Variants in ACTL6B observed in about 807,000 individuals in gnomAD.
ACTL6B encodes actin-like protein 6B.
A neutral mutation model predicts 63.3 loss-of-function variants in ACTL6B; 48 were observed. The observed-to-expected ratio is 0.76, with a 90% confidence interval of 0.60 to 0.96. The LOEUF (loss-of-function observed/expected upper bound fraction) is 0.96, where lower values mean the gene tolerates loss of function less well. Ranked by LOEUF, ACTL6B falls within the 50% of genes least tolerant of loss-of-function variation. The probability of loss-of-function intolerance (pLI) is 0.00; values close to 1 mark genes in which losing one functional copy is unlikely to be tolerated. For synonymous variants in ACTL6B, 230 were observed against 223.8 expected, an observed-to-expected ratio of 1.03 and a Z score of -0.25; for missense variants, 350 against 572.2, an observed-to-expected ratio of 0.61 and a Z score of 3.96.
Position 100,646,296 on chromosome 7 carries a change from C to G in ACTL6B, c.1153G>C (p.Glu385Gln). 6.2e-7 allele frequency: 1 copy of G among 1,614,128 alleles called. No homozygotes were observed. Among genetic ancestry groups the G allele is most frequent in the Non-Finnish European group, 8.5e-7 (1 of 1,180,012 alleles). The change falls in exon 13 of 14, where the codon GAG (glutamate) becomes CAG (glutamine). Residue 385 changes from glutamate (E) to glutamine (Q), a missense_variant. Glu to Gln is a conservative substitution (Grantham distance 29, BLOSUM62 2). Around this residue, in one of 3 missense-constraint regions of ACTL6B, gnomAD observed 76 missense variants for 126.1 expected, o/e 0.60. Coordinates refer to ENST00000160382, the MANE Select transcript of ACTL6B (RefSeq NM_016188.5). The surrounding 1 kb of genome is among the most constrained non-coding windows in gnomAD (Gnocchi z 6.1). Reference protein sequence around the residue: ...LKLIASNSTMERKFSPWIGGS... With the variant: ...LKLIASNSTMQRKFSPWIGGS... ...CCGATCCAGGGGCTGAACTTGCGCT[C>G]CATGGTGCTGTTGCTGGCAATGAGT...
At position 100,647,235 on chromosome 7, in the gene ACTL6B, G is replaced by C. The variant is rs771906747; in HGVS notation, c.809C>G (p.Pro270Arg). The stretch of plus-strand genomic sequence containing the variant: ...GAGCCACACTCACTGTTCATCGTAG[G>C]GGGAGTCTGAGACCTGCAGCACGGA... ...QASVLQVSDSPYDEQVAAQMP... is the reference protein window; with the variant it reads ...QASVLQVSDSRYDEQVAAQMP... The change falls in exon 9 of 14, where the codon CCC (proline) becomes CGC (arginine). Residue 270 changes from proline (P) to arginine (R), a missense_variant. Physicochemically the swap from Pro to Arg is moderately radical, Grantham distance 103. Around this residue, in one of 3 missense-constraint regions of ACTL6B, gnomAD observed 250 missense variants for 364.7 expected, o/e 0.69. Transcript: ENST00000160382. This position sits in a 1 kb window ranked among gnomAD's most constrained non-coding sequence, Gnocchi z 4.4. 6.2e-7 allele frequency: 1 copy of C among 1,613,416 alleles called. No individual in the cohort carries two copies. The highest frequency in any genetic ancestry group is 2.2e-5 in the East Asian group (1 of 44,850).
At position 100,655,873 on chromosome 7, in the gene ACTL6B, A is replaced by G; in HGVS notation, c.32T>C (p.Val11Ala). The change falls in exon 2 of 14, where the codon GTG becomes GCG. Residue 11 changes from valine to alanine, a missense_variant. Transcript: ENST00000160382. This position sits in a 1 kb window ranked among gnomAD's most constrained non-coding sequence, Gnocchi z 4.4. MSGGVYGGDE[V>A]GALVFDIGSF... ...GCCAATGTCAAAGACCAGCGCCCCC[A>G]CCTCATCTGTGCGGGGAGACAGGCC... 6.4e-7 allele frequency: 1 copy of G among 1,569,154 alleles called. No homozygotes were observed. Among genetic ancestry groups the G allele is most frequent in the South Asian group, 1.2e-5 (1 of 85,376 alleles).
chr7:100,655,169 CAG>C lies in ACTL6B; in HGVS notation c.269-52_269-51del, dbSNP rs1392479024. On this transcript the variant is annotated intron_variant, in intron 3 of 13. Transcript: ENST00000160382. The surrounding 1 kb of genome is among the most constrained non-coding windows in gnomAD (Gnocchi z 4.4). ...GAGACGCAAGAAGGCAGGCAGGGGA[CAG>C]GGACAGGAAGAAAAGGAGGGAGAAA... 6.6e-7 allele frequency: 1 copy of C among 1,505,326 alleles called. No individual in the cohort carries two copies. The highest frequency in any genetic ancestry group is 2.3e-5 in the East Asian group (1 of 44,292). The allele number at this position is 1,505,326 out of a possible 1,614,324, so 93.2% of individuals were successfully genotyped here.
intron 5 of ACTL6B, among the ~76,000 whole-genome samples, chr7:100,649,792 G>A (rs965956682): frequency 6.6e-6 from 1 of 152,144 alleles, no homozygotes; most frequent in Non-Finnish European, 1.5e-5. Flanking sequence ...TCTCTCCCGG[G>A]CCCAGCTCAC....
rs1804039324 is a variant in ACTL6B at position 100,656,323 on chromosome 7, C to T, written c.25+7G>A. On this transcript the variant is annotated splice_region_variant and intron_variant, in intron 1 of 13. Coordinates refer to ENST00000160382, the MANE Select transcript of ACTL6B (RefSeq NM_016188.5). Reference sequence around the variant, plus strand: ...CTGCGGGAGCCGGGGGCCCGAGGCTCGCTCACCTCCGCCGTAGACGCCCCC... The same window carrying T: ...CTGCGGGAGCCGGGGGCCCGAGGCTTGCTCACCTCCGCCGTAGACGCCCCC... 1.4e-6 allele frequency: 2 copies of T among 1,383,182 alleles called. No individual in the cohort carries two copies. Among genetic ancestry groups the T allele is most frequent in the East Asian group, 3.0e-5 (1 of 33,196 alleles). 85.7% of individuals were successfully genotyped at this position (1,383,182 alleles called of 1,614,324 possible).
intron 13 of ACTL6B, among the ~76,000 whole-genome samples, chr7:100,645,121 C>T (rs1803797620): frequency 6.6e-6 from 1 of 152,164 alleles, no homozygotes; most frequent in Non-Finnish European, 1.5e-5. Flanking sequence ...CAGCCCTGAG[C>T]TAAGTTCAGA....
At chr7:100,645,456 C>T (rs113344873) in intron 13 of ACTL6B, among the ~76,000 whole-genome samples, 3 of 152,180 alleles carry the variant, frequency 2.0e-5, no homozygotes, top group Non-Finnish European at 2.9e-5. Context: ...TCCCCTTGAC[C>T]CCAGCTCATA....
chr7:100,649,852 A>T, intron 5 of ACTL6B, 186 bp downstream of exon 5: 1 of 559,558 alleles, frequency 1.8e-6, no homozygotes, highest in Non-Finnish European at 3.2e-6. Context: ...TGATCTGGCC[A>T]CCCCAGAGTC....
Position 100,646,479 on chromosome 7 carries a change from T to G in ACTL6B, c.1113+72A>C, listed in dbSNP as rs1449942339. The G allele has an allele frequency of 6.4e-7, 1 of 1,568,296 alleles. No homozygotes were observed. The highest frequency in any genetic ancestry group is 8.8e-7 in the Non-Finnish European group (1 of 1,139,632). On this transcript the variant is annotated intron_variant, in intron 12 of 13. Transcript: ENST00000160382. This position sits in a 1 kb window ranked among gnomAD's most constrained non-coding sequence, Gnocchi z 6.1. ...AACAGAAGGAAGGACATGGGAAGGA[T>G]GAAGGGACTCAGTCCTGGACAGCTG...
Position 100,655,527 on chromosome 7 carries a change from C to G in ACTL6B, c.162G>C (p.Leu54=). 1.9e-6 allele frequency: 3 copies of G among 1,614,162 alleles called. No homozygotes were observed. The highest frequency in any genetic ancestry group is 1.1e-5 in the South Asian group (1 of 91,082). Residue 54 remains leucine, a synonymous_variant, in exon 3 of 14, where the codon CTG becomes CTC. Coordinates refer to ENST00000160382, the MANE Select transcript of ACTL6B (RefSeq NM_016188.5). The surrounding 1 kb of genome is among the most constrained non-coding windows in gnomAD (Gnocchi z 4.4). ...TCCCTTTCTTCTCTTTGTCCCCCTC[C>G]AGCTCCAGCCCGCCCCCCTCCTCCG... ...LAAEEGGGLE[L]EGDKEKKGKI...
intron 4 of ACTL6B, 113 bp from the exon 5 acceptor site, chr7:100,650,248 C>A: frequency 2.5e-6 from 2 of 807,116 alleles, no homozygotes; most frequent in Non-Finnish European, 4.1e-6. Context: ...CACACACATC[C>A]AAACACTTGC....
Position 100,656,436 on chromosome 7 carries a change from C to A in ACTL6B, c.-82G>T, listed in dbSNP as rs1013993227. 4 of 1,247,306 alleles carry A rather than the reference C, an allele frequency of 3.2e-6. No homozygotes were observed. Among genetic ancestry groups the A allele is most frequent in the African/African-American group, 3.1e-5 (2 of 64,448 alleles). 77.3% of individuals were successfully genotyped at this position (1,247,306 alleles called of 1,614,324 possible). ...GCCGGACAGCTCCCGGGATCCCTGGCGGGGCGGGACTCTCAGCGGCCAATT... is the reference window on the plus strand; with the variant it reads ...GCCGGACAGCTCCCGGGATCCCTGGAGGGGCGGGACTCTCAGCGGCCAATT... On this transcript the variant is annotated 5_prime_UTR_variant, in exon 1 of 14. Coordinates refer to ENST00000160382, the MANE Select transcript of ACTL6B (RefSeq NM_016188.5).
In ACTL6B at chr7:100,647,580, C is replaced by T. The variant is rs1228808221; in HGVS notation, c.670-47G>A. On this transcript the variant is annotated intron_variant, in intron 7 of 13. Coordinates refer to ENST00000160382, the MANE Select transcript of ACTL6B (RefSeq NM_016188.5). This position sits in a 1 kb window ranked among gnomAD's most constrained non-coding sequence, Gnocchi z 4.4. ...ACACCCTTTCCTAGCCCACCTGACC[C>T]CCACCCCCACCTTCCTGGCACTGTT... The T allele has an allele frequency of 8.0e-6, 11 of 1,371,166 alleles. No homozygotes were observed. Among genetic ancestry groups the T allele is most frequent in the Non-Finnish European group, 1.0e-5 (10 of 994,416 alleles). 84.9% of individuals were successfully genotyped at this position (1,371,166 alleles called of 1,614,324 possible).
chr7:100,656,104 G>A (rs1353780710), intron 1 of ACTL6B, among the ~76,000 whole-genome samples: 4 of 152,226 alleles, frequency 2.6e-5, no homozygotes, highest in Non-Finnish European at 5.9e-5. Flanking sequence ...CCCTCCCGAC[G>A]GGAAAGGAAG....
chr7:100,645,079 A>C (rs1453501657), intron 13 of ACTL6B, among the ~76,000 whole-genome samples: 1 of 152,022 alleles, frequency 6.6e-6, no homozygotes, highest in Non-Finnish European at 1.5e-5. Flanking sequence ...CAAAAAAAGG[A>C]AAAAAACAAG....
At chr7:100,643,691 G>A (rs997671870) in intron 13 of ACTL6B, among the ~76,000 whole-genome samples, 3 of 151,892 alleles carry the variant, frequency 2.0e-5, no homozygotes, top group Non-Finnish European at 4.4e-5. Flanking sequence ...CCCACCAGGT[G>A]TCCTCTTCTC....
Position 100,648,238 on chromosome 7 carries a change from G to A in ACTL6B, c.669+318C>T, listed in dbSNP as rs1221475822. ...CTCCCGAAGTGCTGGGATTACAGGTGTGAGCCACCATGCCTGACCGGTCCT... is the reference window on the plus strand; with the variant it reads ...CTCCCGAAGTGCTGGGATTACAGGTATGAGCCACCATGCCTGACCGGTCCT... On this transcript the variant is annotated intron_variant, in intron 7 of 13. Transcript: ENST00000160382. The surrounding 1 kb of genome is among the most constrained non-coding windows in gnomAD (Gnocchi z 4.4). 3.9e-5 allele frequency: 8 copies of A among 207,146 alleles called. No homozygotes were observed. The highest frequency in any genetic ancestry group is 1.7e-3 in the Middle Eastern group (1 of 584). 12.8% of individuals were successfully genotyped at this position (207,146 alleles called of 1,614,324 possible). A position where few individuals can be genotyped will look rare whatever the true frequency, so the allele number is the denominator to read the frequency against.
At chr7:100,644,499 G>A (rs1446218022) in intron 13 of ACTL6B, among the ~76,000 whole-genome samples, 2 of 152,086 alleles carry the variant, frequency 1.3e-5, no homozygotes, top group African/African-American at 4.8e-5. Flanking sequence ...TGTCACCCAG[G>A]TTGGAATGCA....
chr7:100,647,199 C>A lies in ACTL6B; in HGVS notation c.821+24G>T. ...GTGCCGGTTCTGCCCTCTCTCCCAC[C>A]CCAAAGCCCTGAGCCACACTCACTG... On this transcript the variant is annotated intron_variant, in intron 9 of 13. Transcript: ENST00000160382. This position sits in a 1 kb window ranked among gnomAD's most constrained non-coding sequence, Gnocchi z 4.4. 1 of 1,613,548 alleles carries A rather than the reference C, an allele frequency of 6.2e-7. No homozygotes were observed.
Sources: gnomAD v4.1 joint callset for allele counts (sites outside exome capture counted in the v4.1 genomes callset) on GRCh38, gnomAD v4.1.1 for gene constraint, gnomAD v4.1.1 regional missense constraint, Gnocchi (gnomAD v3.1) non-coding constraint, MANE v1.5 for transcripts, NCBI Gene and HGNC (gene_info 2026-07-23, HGNC 2026-07-21) for gene names.